Variants in ACOXL observed in about 807,000 individuals in gnomAD.
ACOXL encodes the protein acyl-coenzyme A oxidase-like protein.
A neutral mutation model predicts 71.9 loss-of-function variants in ACOXL; 70 were observed. The ratio of observed to expected loss-of-function variants is 0.97; its 90% confidence interval spans 0.80 to 1.19. ACOXL has a LOEUF of 1.19. Among genes scored for constraint, ACOXL ranks in the 50% most tolerant of loss-of-function variants. The pLI is 0.00. For missense variants in ACOXL, 703 were observed against 736.3 expected, an observed-to-expected ratio of 0.95 and a Z score of 0.52; for synonymous variants, 253 against 281.6, an observed-to-expected ratio of 0.90 and a Z score of 1.02.
intron 9 of ACOXL, among the ~76,000 whole-genome samples, chr2:110,816,694 C>T (rs998618762): frequency 1.7e-4 from 26 of 152,046 alleles, no homozygotes; most frequent in African/African-American, 5.1e-4. Flanking sequence ...GTCTCCTGTT[C>T]TCTAAAGACA....
intron 9 of ACOXL, among the ~76,000 whole-genome samples, chr2:110,809,483 G>A (rs1687056775): frequency 1.3e-5 from 2 of 152,252 alleles, no homozygotes; most frequent in Non-Finnish European, 2.9e-5. Flanking sequence ...GTTGTACAGC[G>A]TGCCACATAT....
At chr2:110,908,746 C>G in intron 10 of ACOXL, 43 bp from the exon 11 acceptor site, 1 of 1,512,338 alleles carries the variant, frequency 6.6e-7, no homozygotes, top group Non-Finnish European at 9.2e-7. Context: ...TTACCTCCCG[C>G]TCCTGGATTT....
intron 12 of ACOXL, chr2:110,963,650 A>G (rs145653071): frequency 1.2e-6 from 2 of 1,613,276 alleles, no homozygotes; most frequent in South Asian, 1.1e-5. Context: ...ATCGAATCTC[A>G]GGCTTAAAGT....
chr2:111,033,077 C>G (rs1047688522), intron 15 of ACOXL, among the ~76,000 whole-genome samples: 7 of 152,178 alleles, frequency 4.6e-5, no homozygotes, highest in Non-Finnish European at 1.5e-5. Context: ...CATGGGAACA[C>G]CTCCCCAGAG....
chr2:110,756,535 A>G (rs558706597), intron 1 of ACOXL, among the ~76,000 whole-genome samples: 42 of 152,334 alleles, frequency 2.8e-4, no homozygotes, highest in Middle Eastern at 3.4e-3. Flanking sequence ...TTGGATTAAA[A>G]TTATGAAATA....
intron 9 of ACOXL, among the ~76,000 whole-genome samples, chr2:110,832,710 A>G (rs1689994981): frequency 1.3e-5 from 2 of 152,218 alleles, no homozygotes; most frequent in Admixed American, 1.3e-4. Context: ...GAATATGTTA[A>G]GAGCTCTCAA....
chr2:110,781,847 G>A (rs1683380722), intron 2 of ACOXL, among the ~76,000 whole-genome samples: 1 of 152,032 alleles, frequency 6.6e-6, no homozygotes, highest in Admixed American at 6.6e-5. Flanking sequence ...GGCGGTTTTA[G>A]TTGAGGAGTA....
chr2:110,740,511 A>ATATCCCAGACATACTAATGGGATATC (rs1323779104), intron 1 of ACOXL, among the ~76,000 whole-genome samples: 1 of 152,194 alleles, frequency 6.6e-6, no homozygotes, highest in Non-Finnish European at 1.5e-5. Context: ...CTCCCCATTA[A>ATATCCCAGACATACTAATGGGATATC]CATACATAAA....
intron 9 of ACOXL, among the ~76,000 whole-genome samples, chr2:110,809,599 C>T (rs538489376): frequency 6.6e-6 from 1 of 152,314 alleles, no homozygotes; most frequent in South Asian, 2.1e-4. Flanking sequence ...CAATCTTTTC[C>T]TACGGTGTGC....
intron 9 of ACOXL, among the ~76,000 whole-genome samples, chr2:110,818,402 A>T (rs1198187144): frequency 2.0e-5 from 3 of 147,386 alleles, no homozygotes; most frequent in Non-Finnish European, 4.5e-5. Context: ...TCAAAAAAAA[A>T]AAAAAAACAT....
intron 12 of ACOXL, among the ~76,000 whole-genome samples, chr2:110,957,123 T>A (rs2061530127): frequency 6.6e-6 from 1 of 151,742 alleles, no homozygotes; most frequent in Non-Finnish European, 1.5e-5. Flanking sequence ...CTTACTCACT[T>A]TTTTTTTTCG....
chr2:111,089,893 A>G (rs927950408), intron 16 of ACOXL, among the ~76,000 whole-genome samples: 4 of 152,216 alleles, frequency 2.6e-5, no homozygotes, highest in African/African-American at 9.6e-5. Context: ...GTTTTATAAG[A>G]CACCTTGGAG....
At chr2:111,072,949 A>G (rs550435428) in intron 16 of ACOXL, among the ~76,000 whole-genome samples, 1 of 152,150 alleles carries the variant, frequency 6.6e-6, no homozygotes, top group Non-Finnish European at 1.5e-5. Context: ...TATTTTTCCT[A>G]TTCCAATAGA....
intron 15 of ACOXL, among the ~76,000 whole-genome samples, chr2:111,033,417 C>T (rs1394420811): frequency 6.6e-6 from 1 of 152,124 alleles, no homozygotes; most frequent in Non-Finnish European, 1.5e-5. Context: ...CAGTACATGC[C>T]CTATCTGTTC....
intron 13 of ACOXL, among the ~76,000 whole-genome samples, chr2:110,987,576 G>A (rs957562584): frequency 6.6e-6 from 1 of 152,162 alleles, no homozygotes; most frequent in Non-Finnish European, 1.5e-5. Flanking sequence ...CTAGTGAGTG[G>A]CAGAGGTGAG....
In ACOXL at chr2:110,772,627, C is replaced by G. The variant is rs138825161; in HGVS notation, c.75+4163C>G. ...CTCCTTCTTCCCCTCCCCCAACCAG[C>G]CTACAACCGTTCTCTCTCTCACCCA... On this transcript the variant is annotated intron_variant, in intron 2 of 17. Transcript: ENST00000439055. 1.6e-3 allele frequency among the ~76,000 whole-genome samples: 241 copies of G among 152,298 alleles called. 1 individual carries two copies. The highest frequency in any genetic ancestry group is 3.4e-3 in the Middle Eastern group (1 of 294).
intron 12 of ACOXL, chr2:110,968,552 A>T: frequency 9.4e-7 from 1 of 1,063,590 alleles, no homozygotes; most frequent in Non-Finnish European, 1.4e-6. Flanking sequence ...GAGGAGATGT[A>T]TAAGAAAGCT....
chr2:110,883,179 G>A (rs1046125459), intron 10 of ACOXL, among the ~76,000 whole-genome samples: 1 of 138,320 alleles, frequency 7.2e-6, no homozygotes, highest in South Asian at 2.3e-4. Context: ...ACACCATCTC[G>A]GCTCATTGCA....
At chr2:110,788,096 A>C (rs758027540) in intron 3 of ACOXL, among the ~76,000 whole-genome samples, 5 of 152,228 alleles carry the variant, frequency 3.3e-5, no homozygotes, top group Non-Finnish European at 5.9e-5. Context: ...AAAAAGTAGG[A>C]CATAAAAATT....
Sources: allele counts gnomAD v4.1 joint callset (sites outside exome capture counted in the v4.1 genomes callset), GRCh38; gene constraint gnomAD v4.1.1; transcripts MANE v1.5; gene names NCBI Gene and HGNC (gene_info 2026-07-23, HGNC 2026-07-21).